MARK4: variants seen among roughly 807,000 people sequenced by gnomAD.
MARK4 encodes microtubule affinity regulating kinase 4, also known as MAP/microtubule affinity-regulating kinase 4.
MARK4 carries 19 observed loss-of-function variants against 81.5 expected under a neutral mutation model. That is an observed-to-expected ratio of 0.23 (90% CI 0.16 to 0.34). MARK4 has a LOEUF of 0.34. Ranked by LOEUF, MARK4 falls within the 10% of genes least tolerant of loss-of-function variation. The pLI, the probability that MARK4 is intolerant of heterozygous loss-of-function variation, is 1.00. For missense variants in MARK4, 772 were observed against 1,058.8 expected (o/e 0.73, Z 3.76); for synonymous variants, 436 against 439.0 (o/e 0.99, Z 0.08).
chr19:45,287,730 C>T (rs775816058), intron 13 of MARK4, 66 bp downstream of exon 13: 1 of 1,523,732 alleles, frequency 6.6e-7, no homozygotes, highest in Non-Finnish European at 8.9e-7. Flanking sequence ...CAGGCCCTGC[C>T]TTCATCTCAT....
intron 16 of MARK4, among the ~76,000 whole-genome samples, chr19:45,300,883 GAATGC>G (rs1970961175): frequency 6.6e-6 from 1 of 152,080 alleles, no homozygotes; most frequent in Non-Finnish European, 1.5e-5. Flanking sequence ...CCGGGAAGTA[GAATGC>G]TATCATTGGC....
intron 1 of MARK4, among the ~76,000 whole-genome samples, chr19:45,252,377 A>G: frequency 6.6e-6 from 1 of 151,902 alleles, no homozygotes; most frequent in East Asian, 1.9e-4. Flanking sequence ...CTTGGCCTCC[A>G]ACTTCTAGGC....
At chr19:45,270,248 T>A (rs574989883) in intron 7 of MARK4, among the ~76,000 whole-genome samples, 5 of 152,172 alleles carry the variant, frequency 3.3e-5, no homozygotes, top group Admixed American at 6.6e-5. Flanking sequence ...ACAAGGAAAC[T>A]GAGGCACAGA....
At position 45,259,027 on chromosome 19, in the gene MARK4, C is replaced by T; in HGVS notation, c.90C>T (p.Gly30=). The T allele has an allele frequency of 7.4e-6, 12 of 1,613,514 alleles. No homozygotes were observed. The highest frequency in any genetic ancestry group is 1.0e-5 in the Non-Finnish European group (12 of 1,180,004). Reference sequence around the variant, plus strand: ...GCAGTGGCCGCTCCTCGGACAAAGGCCCGTCCTGGTCCAGCCGCTCACTGG... The same window carrying T: ...GCAGTGGCCGCTCCTCGGACAAAGGTCCGTCCTGGTCCAGCCGCTCACTGG... ...TLGSGRSSDK[G]PSWSSRSLGA... is the part of the protein sequence containing the mutation. The change falls in exon 2 of 17, where the codon GGC becomes GGT. Residue 30 remains glycine (G), a synonymous_variant. Coordinates refer to ENST00000262891, the MANE Select transcript of MARK4 (RefSeq NM_001199867.2).
At chr19:45,261,741 T>A (rs898532946) in intron 2 of MARK4, among the ~76,000 whole-genome samples, 1 of 152,072 alleles carries the variant, frequency 6.6e-6, no homozygotes, top group Non-Finnish European at 1.5e-5. Context: ...CAAGACCAGC[T>A]TGGCCAACAT....
At chr19:45,265,498 G>A (rs1228054193) in intron 6 of MARK4, among the ~76,000 whole-genome samples, 3 of 151,268 alleles carry the variant, frequency 2.0e-5, no homozygotes, top group East Asian at 1.9e-4. Context: ...GTAAGAGTGT[G>A]GGGGGGGCCA....
intron 14 of MARK4, among the ~76,000 whole-genome samples, chr19:45,295,042 A>G (rs1970868512): frequency 6.6e-6 from 1 of 152,080 alleles, no homozygotes. Context: ...GGGCAGAGGA[A>G]TGGGGTAGTT....
intron 8 of MARK4, among the ~76,000 whole-genome samples, chr19:45,274,316 G>A (rs1418241913): frequency 2.0e-5 from 3 of 151,636 alleles, no homozygotes; most frequent in Non-Finnish European, 2.9e-5. Context: ...GCTGAGATCA[G>A]GGATGCAAAG....
rs1383793557 is a variant in MARK4, at chr19:45,293,107, A to G, written c.1495-1242A>G. Among the ~76,000 whole-genome samples, 6 of 152,246 alleles carry G rather than the reference A, an allele frequency of 3.9e-5. No homozygotes were observed. The East Asian group carries it at 1.2e-3, about 29-fold the overall frequency. ...GCATGGTGAAACCCCATCTCTACCA[A>G]AAATACAAAAAATTAGCTGGATGTG... On this transcript the variant is annotated intron_variant, in intron 13 of 16. Coordinates refer to ENST00000262891, the MANE Select transcript of MARK4 (RefSeq NM_001199867.2).
intron 1 of MARK4, 113 bp downstream of exon 1, chr19:45,251,752 C>A: frequency 1.0e-6 from 1 of 994,278 alleles, no homozygotes; most frequent in South Asian, 1.6e-5. Context: ...GGGCCCGACC[C>A]GGCTCGTCAC....
intron 7 of MARK4, among the ~76,000 whole-genome samples, chr19:45,267,671 G>T (rs865783577): frequency 6.6e-6 from 1 of 152,156 alleles, no homozygotes; most frequent in African/African-American, 2.4e-5. Flanking sequence ...GACTGGGTTG[G>T]TTTTGTTGTT....
chr19:45,289,098 A>T (rs2123094082), intron 13 of MARK4, among the ~76,000 whole-genome samples: 1 of 152,174 alleles, frequency 6.6e-6, no homozygotes, highest in East Asian at 1.9e-4. Context: ...TTTTAAAAGT[A>T]TGGGTCACCT....
rs1363924890 is a variant in MARK4 at position 45,264,867 on chromosome 19, A to G, written c.449A>G (p.His150Arg). The change falls in exon 6 of 17, where the codon CAT (histidine) becomes CGT (arginine). Residue 150 changes from histidine to arginine, a missense_variant. His to Arg is a conservative substitution (Grantham distance 29). Coordinates refer to ENST00000262891, the MANE Select transcript of MARK4 (RefSeq NM_001199867.2). ...AGEVFDYLVS[H>R]GRMKEKEARA... Reference sequence around the variant, plus strand: ...GAAGTGTTTGACTACCTCGTGTCGCATGGCCGCATGAAGGAGAAGGAAGCT... The same window carrying G: ...GAAGTGTTTGACTACCTCGTGTCGCGTGGCCGCATGAAGGAGAAGGAAGCT... The G allele has an allele frequency of 2.5e-6, 4 of 1,614,088 alleles. No homozygotes were observed. Among genetic ancestry groups the G allele is most frequent in the South Asian group, 1.1e-5 (1 of 91,078 alleles).
intron 8 of MARK4, among the ~76,000 whole-genome samples, chr19:45,273,459 A>G (rs566650456): frequency 6.6e-6 from 1 of 152,228 alleles, no homozygotes; most frequent in East Asian, 1.9e-4. Flanking sequence ...CCTCTACGCC[A>G]TGGCCCATAC....
chr19:45,265,823 G>T (rs970247180), intron 6 of MARK4, among the ~76,000 whole-genome samples: 15 of 151,434 alleles, frequency 9.9e-5, no homozygotes, highest in African/African-American at 3.4e-4. Context: ...GTGTGAGGGT[G>T]CCGGGCATGT....
chr19:45,264,935 C>T (rs1395074266), intron 6 of MARK4, 25 bp downstream of exon 6: 2 of 1,612,032 alleles, frequency 1.2e-6, no homozygotes, highest in Admixed American at 3.3e-5. Flanking sequence ...GAGGGTGGGG[C>T]TGACTGGGTG....
At chr19:45,278,107 C>T (rs1970625327) in intron 9 of MARK4, 65 bp downstream of exon 9, 4 of 1,588,132 alleles carry the variant, frequency 2.5e-6, no homozygotes, top group Non-Finnish European at 3.4e-6. Context: ...ACTCTGCCTG[C>T]CCCCACCCAC....
chr19:45,294,626 CA>C (rs950116504), intron 14 of MARK4, among the ~76,000 whole-genome samples, 174 bp downstream of exon 14: 2 of 152,292 alleles, frequency 1.3e-5, no homozygotes, highest in South Asian at 4.1e-4. Flanking sequence ...AAATCCTCCC[CA>C]CTTAATTAAT....
At position 45,251,340 on chromosome 19, in the gene MARK4, C is replaced by CCCCGCCCGCCCG; in HGVS notation, c.-246_-235dup. Reference sequence around the variant, plus strand: ...GCCGGCTCCGCGCCCCCTCCGCGGCCCCCGCCCGCCCGCCTGCCCGCCGCC... The same window carrying CCCCGCCCGCCCG: ...GCCGGCTCCGCGCCCCCTCCGCGGCCCCCGCCCGCCCGCCCGCCCGCCCGCCTGCCCGCCGCC... On this transcript the variant is annotated 5_prime_UTR_variant, in exon 1 of 17. Coordinates refer to ENST00000262891, the MANE Select transcript of MARK4 (RefSeq NM_001199867.2). The CCCCGCCCGCCCG allele has an allele frequency of 6.7e-6, 1 of 148,778 alleles. No homozygotes were observed. The highest frequency in any genetic ancestry group is 2.5e-5 in the African/African-American group (1 of 40,514). The allele number at this position is 148,778 out of a possible 1,614,324, so 9.2% of individuals were successfully genotyped here.
Sources: allele counts gnomAD v4.1 joint callset (sites outside exome capture counted in the v4.1 genomes callset), GRCh38; gene constraint gnomAD v4.1.1; transcripts MANE v1.5; gene names NCBI Gene and HGNC (gene_info 2026-07-23, HGNC 2026-07-21).